The following GTF3C1 variants were observed in gnomAD, a reference collection of about 807,000 sequenced individuals.
GTF3C1 encodes general transcription factor IIIC subunit 1, also known as general transcription factor 3C polypeptide 1.
GTF3C1 carries 57 observed loss-of-function variants against 226.7 expected under a neutral mutation model. That is an observed-to-expected ratio of 0.25 (90% CI 0.20 to 0.31). The LOEUF (loss-of-function observed/expected upper bound fraction) is 0.31. Ranked by LOEUF, GTF3C1 falls within the 10% of genes least tolerant of loss-of-function variation. GTF3C1 has a pLI of 1.00. For synonymous variants in GTF3C1, 1,090 were observed against 1,084.8 expected (o/e 1.00, Z -0.09); for missense variants, 2,217 against 2,776.1 (o/e 0.80, Z 4.53).
Position 27,469,976 on chromosome 16 carries a change from A to G in GTF3C1, c.4814+132T>C. 1.3e-6 allele frequency: 1 copy of G among 751,766 alleles called. No homozygotes were observed. The highest frequency in any genetic ancestry group is 2.2e-6 in the Non-Finnish European group (1 of 445,556). The allele number at this position is 751,766 out of a possible 1,614,324, so 46.6% of individuals were successfully genotyped here. ...CAGAGGACACCTTAGACACCGGCCT[A>G]TAATCCCCAGTCACTCATCTGCAAC... is the stretch of plus-strand genomic sequence containing the variant. On this transcript the variant is annotated intron_variant, in intron 31 of 36. Coordinates refer to ENST00000356183, the MANE Select transcript of GTF3C1 (RefSeq NM_001520.4). The surrounding 1 kb of genome is among the most constrained non-coding windows in gnomAD (Gnocchi z 4.5).
chr16:27,538,016 A>C, intron 3 of GTF3C1, 89 bp from the exon 4 acceptor site: 1 of 1,437,268 alleles, frequency 7.0e-7, no homozygotes. Flanking sequence ...CACCAGAGAC[A>C]CAAACCTCCT....
chr16:27,492,690 TC>T lies in GTF3C1; in HGVS notation c.2899del (p.Glu967ArgfsTer30). On this transcript the variant is annotated frameshift_variant, in exon 18 of 37. Transcript: ENST00000356183. LOFTEE classifies it high-confidence loss of function. This position sits in a 1 kb window ranked among gnomAD's most constrained non-coding sequence, Gnocchi z 5.0. ...CATGTAGCACAGCCTCTGAAGGTTC[TC>T]CACCACCGAAAAAATGTAACGCCTA... is the stretch of plus-strand genomic sequence containing the variant. ...YKRRYIFSVV[E>X]NLQRLCYMGL... The T allele has an allele frequency of 6.3e-7, 1 of 1,599,478 alleles. No individual in the cohort carries two copies. Among genetic ancestry groups the T allele is most frequent in the Non-Finnish European group, 8.6e-7 (1 of 1,166,666 alleles).
At position 27,464,790 on chromosome 16, in the gene GTF3C1, G is replaced by A. The variant is rs1372153996; in HGVS notation, c.5402C>T (p.Ala1801Val). 6 of 1,540,618 alleles carry A rather than the reference G, an allele frequency of 3.9e-6. No individual in the cohort carries two copies. The highest frequency in any genetic ancestry group is 2.5e-5 in the South Asian group (2 of 80,856). ...HQVLEVGGNT[A>V]RLVAMGSAWP... The stretch of plus-strand genomic sequence containing the variant: ...GGCAGAGCCCATGGCTACCAGGCGC[G>A]CAGTGTTGCCACCGACCTCCAGCAC... Residue 1801 changes from alanine (A) to valine (V), a missense_variant, in exon 34 of 37, where the codon GCG becomes GTG. Coordinates refer to ENST00000356183, the MANE Select transcript of GTF3C1 (RefSeq NM_001520.4).
intron 2 of GTF3C1, among the ~76,000 whole-genome samples, chr16:27,539,848 C>G (rs1163834068): frequency 1.3e-5 from 2 of 152,056 alleles, no homozygotes; most frequent in Admixed American, 1.3e-4. Context: ...ACTTCCCAGC[C>G]CCTTGAACCA....
intron 10 of GTF3C1, among the ~76,000 whole-genome samples, chr16:27,505,131 A>G (rs1195847553): frequency 6.6e-6 from 1 of 152,180 alleles, no homozygotes; most frequent in East Asian, 1.9e-4. Context: ...CGAATCACAT[A>G]ATGGGAAAGA....
intron 28 of GTF3C1, 133 bp from the exon 29 acceptor site, chr16:27,476,677 C>T: frequency 1.6e-6 from 1 of 632,944 alleles, no homozygotes; most frequent in Non-Finnish European, 2.8e-6. Context: ...CAAAAGAAAA[C>T]ACAATATATG....
chr16:27,501,412 AAC>A, intron 11 of GTF3C1, 68 bp from the exon 12 acceptor site: 3 of 1,412,378 alleles, frequency 2.1e-6, no homozygotes, highest in Non-Finnish European at 3.0e-6. Context: ...CAACCCAGGC[AAC>A]ACAGACATGC....
rs751904828 is a variant in GTF3C1, at chr16:27,508,573, C to A, written c.1209G>T (p.Leu403=). The A allele has an allele frequency of 6.8e-6, 11 of 1,613,984 alleles. No individual in the cohort carries two copies. The East Asian group carries it at 2.2e-4, about 33-fold the overall frequency. ...MNVGKLEARM[L]CRLLQRFKVV... is the part of the protein sequence containing the mutation. ...CTTTGAATCTTTGAAGAAGTCGGCA[C>A]AGCATTCTTGCTTCTAGTTTTCCCA... The change falls in exon 8 of 37, where the codon CTG becomes CTT. Residue 403 remains leucine (L), a synonymous_variant. Transcript: ENST00000356183.
At chr16:27,528,491 CATT>C in intron 6 of GTF3C1, 104 bp downstream of exon 6, 3 of 872,154 alleles carry the variant, frequency 3.4e-6, no homozygotes, top group East Asian at 2.4e-5. Flanking sequence ...TATGTGAAAT[CATT>C]ATGCCACAAG....
chr16:27,545,490 C>T lies in GTF3C1; in HGVS notation c.255G>A (p.Leu85=), dbSNP rs751356940. Residue 85 remains leucine, a synonymous_variant, in exon 2 of 37, where the codon TTG becomes TTA. Transcript: ENST00000356183. ...AAGCCACCGGGTCCCTCCTAGACTC[C>T]AAAATTCCAGTTTCCAAATCAATTT... ...YEEIDLETGI[L]ESRRDPVALE... The T allele has an allele frequency of 6.2e-7, 1 of 1,610,334 alleles. No homozygotes were observed. Among genetic ancestry groups the T allele is most frequent in the Non-Finnish European group, 8.5e-7 (1 of 1,176,624 alleles).
intron 11 of GTF3C1, 124 bp from the exon 12 acceptor site, chr16:27,501,468 C>T (rs1251951863): frequency 2.2e-5 from 19 of 856,498 alleles, no homozygotes; most frequent in Non-Finnish European, 3.2e-5. Flanking sequence ...AACGGGGTTT[C>T]CCCACCCTGG....
At chr16:27,530,218 A>C (rs2141441403) in intron 5 of GTF3C1, among the ~76,000 whole-genome samples, 1 of 152,342 alleles carries the variant, frequency 6.6e-6, no homozygotes, top group East Asian at 1.9e-4. Flanking sequence ...CTTGGGTGGC[A>C]GAACATATGG....
rs1168686916 is a variant in GTF3C1, at chr16:27,549,784, G to A, written c.107C>T (p.Pro36Leu). 1 of 1,612,902 alleles carries A rather than the reference G, an allele frequency of 6.2e-7. No homozygotes were observed. Among genetic ancestry groups the A allele is most frequent in the Middle Eastern group, 1.7e-4 (1 of 6,054 alleles). Residue 36 changes from proline (P) to leucine (L), a missense_variant, in exon 1 of 37, where the codon CCG becomes CTG. By Grantham distance (98) the Pro-to-Leu change is moderately conservative. Coordinates refer to ENST00000356183, the MANE Select transcript of GTF3C1 (RefSeq NM_001520.4). The part of the protein sequence containing the change: ...SRLETRVPPF[P>L]LPLEPCTQEF... ...CTGCGTGCAGGGTTCCAAAGGCAGC[G>A]GGAAGGGCGGCACTCGCGTCTCCAG...
chr16:27,470,499 A>G lies in GTF3C1; in HGVS notation c.4527-104T>C, dbSNP rs547503128. The G allele has an allele frequency of 3.2e-5, 27 of 853,706 alleles. No individual in the cohort carries two copies. The African/African-American group carries it at 4.6e-4, about 14-fold the overall frequency. 52.9% of individuals were successfully genotyped at this position (853,706 alleles called of 1,614,324 possible). On this transcript the variant is annotated intron_variant, in intron 30 of 36. Coordinates refer to ENST00000356183, the MANE Select transcript of GTF3C1 (RefSeq NM_001520.4). This position sits in a 1 kb window ranked among gnomAD's most constrained non-coding sequence, Gnocchi z 4.9. ...CAAACCATTATGGTGAGAACTAAGC[A>G]AAACGCCCCACTTCTTCCCTAAAGC...
Position 27,481,137 on chromosome 16 carries a change from A to C in GTF3C1, c.4138T>G (p.Ser1380Ala). 3 of 1,614,210 alleles carry C rather than the reference A, an allele frequency of 1.9e-6. No individual in the cohort carries two copies. The highest frequency in any genetic ancestry group is 2.5e-6 in the Non-Finnish European group (3 of 1,180,032). ...FVEKLKEKFS[S>A]ALRNSNLEIP... is the part of the protein sequence containing the mutation. ...TCAAGGTTAGAATTCCTTAGGGCTG[A>C]ACTGAACTTTTCTTTAAGCTTCTCC... The change falls in exon 27 of 37, where the codon TCA becomes GCA. Residue 1380 changes from serine to alanine, a missense_variant. Physicochemically the swap from Ser to Ala is moderately conservative, Grantham distance 99 (BLOSUM62 1). Around this residue, in one of 12 missense-constraint regions of GTF3C1, gnomAD observed 546 missense variants for 663.0 expected, o/e 0.82. Transcript: ENST00000356183.
At chr16:27,499,722 A>C (rs1256559428) in intron 12 of GTF3C1, among the ~76,000 whole-genome samples, 1 of 152,108 alleles carries the variant, frequency 6.6e-6, no homozygotes, top group Non-Finnish European at 1.5e-5. Flanking sequence ...CATTTCAGAG[A>C]ATTCAAAGGC....
At position 27,538,327 on chromosome 16, in the gene GTF3C1, G is replaced by A. The variant is rs912311073; in HGVS notation, c.461C>T (p.Ser154Phe). 2 of 1,570,768 alleles carry A rather than the reference G, an allele frequency of 1.3e-6. No individual in the cohort carries two copies. Among genetic ancestry groups the A allele is most frequent in the Non-Finnish European group, 1.7e-6 (2 of 1,161,308 alleles). ...CAAGGCCCTGTACCGCATGGCCTGG[G>A]AGGCAACGATGATCAGTTTCTTCCC... ...RWGKKLIIVA[S>F]QAMRYRALIG... Residue 154 changes from serine (S) to phenylalanine (F), a missense_variant, in exon 3 of 37, where the codon TCC becomes TTC. By Grantham distance (155) the Ser-to-Phe change is radical (BLOSUM62 -2). Transcript: ENST00000356183.
Position 27,493,224 on chromosome 16 carries a change from T to C in GTF3C1, c.2851A>G (p.Ile951Val), listed in dbSNP as rs993621827. The change falls in exon 17 of 37, where the codon ATT (isoleucine) becomes GTT (valine). Residue 951 changes from isoleucine to valine, a missense_variant. Around this residue, in one of 12 missense-constraint regions of GTF3C1, gnomAD observed 353 missense variants for 411.7 expected, o/e 0.86. Coordinates refer to ENST00000356183, the MANE Select transcript of GTF3C1 (RefSeq NM_001520.4). Reference protein sequence around the residue: ...HTLIRFLPRPIRQQLLYKRRY... With the variant: ...HTLIRFLPRPVRQQLLYKRRY... Reference sequence around the variant, plus strand: ...CTCTTGTACAGAAGCTGCTGCCGAATGGGCCTGGGGAGAAAGCGGATCAGC... The same window carrying C: ...CTCTTGTACAGAAGCTGCTGCCGAACGGGCCTGGGGAGAAAGCGGATCAGC... The C allele has an allele frequency of 1.2e-6, 2 of 1,609,972 alleles. No individual in the cohort carries two copies. Among genetic ancestry groups the C allele is most frequent in the Non-Finnish European group, 8.5e-7 (1 of 1,176,224 alleles).
intron 29 of GTF3C1, among the ~76,000 whole-genome samples, chr16:27,473,546 G>A (rs1244016283): frequency 1.3e-5 from 2 of 152,236 alleles, no homozygotes; most frequent in Non-Finnish European, 2.9e-5. Flanking sequence ...AGGAGGCTGA[G>A]GCACATGGAC....
Sources: allele counts gnomAD v4.1 joint callset (sites outside exome capture counted in the v4.1 genomes callset), GRCh38; gene constraint gnomAD v4.1.1; regional missense constraint gnomAD v4.1.1; non-coding constraint Gnocchi (gnomAD v3.1); transcripts MANE v1.5; gene names NCBI Gene and HGNC (gene_info 2026-07-23, HGNC 2026-07-21).